ITGA10: variants seen among roughly 807,000 people sequenced by gnomAD.
ITGA10 encodes integrin subunit alpha 10.
Under a neutral mutation model 145.2 loss-of-function variants are expected in ITGA10, and 105 were observed. The ratio of observed to expected loss-of-function variants is 0.72; its 90% CI spans 0.62 to 0.85. ITGA10 has a LOEUF of 0.85. Ranked by LOEUF, ITGA10 falls within the 40% of genes least tolerant of loss-of-function variation. The pLI, the probability that ITGA10 is intolerant of heterozygous loss-of-function variation, is 0.00. For missense variants in ITGA10, 1,317 were observed against 1,444.5 expected (o/e 0.91, Z 1.43); for synonymous variants, 506 against 557.8 (o/e 0.91, Z 1.31).
At position 145,899,946 on chromosome 1, in the gene ITGA10, G is replaced by A. The variant is rs1553747322; in HGVS notation, c.1922+111C>T. The A allele has an allele frequency of 4.7e-6, 5 of 1,070,498 alleles. No individual in the cohort carries two copies. In the African/African-American group the frequency reaches 6.3e-5, roughly 14 times the overall value. The allele number at this position is 1,070,498 out of a possible 1,614,324, so 66.3% of individuals were successfully genotyped here. On this transcript the variant is annotated intron_variant, in intron 15 of 29. Transcript: ENST00000369304. ...TGTCATTTTATAAACTAAGAATGGA[G>A]GCACAGAGTAAGTTGACCAAGAAAA...
In ITGA10 at chr1:145,910,036, T is replaced by C. The variant is rs1657674730; in HGVS notation, c.-22A>G. The stretch of plus-strand genomic sequence containing the variant: ...CCATGCCTGATCGGTTTCTGTCCAG[T>C]ATGAGAAGTCCTCTGGCCTCTGTCC... On this transcript the variant is annotated 5_prime_UTR_variant, in exon 1 of 30. It adds an upstream start codon to the 5' untranslated region. Coordinates refer to ENST00000369304, the MANE Select transcript of ITGA10 (RefSeq NM_003637.5). The C allele has an allele frequency of 6.2e-7, 1 of 1,604,934 alleles. No homozygotes were observed. Among genetic ancestry groups the C allele is most frequent in the Non-Finnish European group, 8.5e-7 (1 of 1,172,212 alleles).
intron 1 of ITGA10, among the ~76,000 whole-genome samples, chr1:145,909,516 A>ATGTATATTATATATAATATATAATTATGT (rs1657591025): frequency 2.2e-5 from 3 of 134,388 alleles, no homozygotes; most frequent in Non-Finnish European, 3.1e-5. Context: ...TATATATTAT[A>ATGTATATTATATATAATATATAATTATGT]TGTATATTAT....
intron 15 of ITGA10, 81 bp from the exon 16 acceptor site, chr1:145,899,422 T>C: frequency 6.7e-7 from 1 of 1,490,296 alleles, no homozygotes; most frequent in Non-Finnish European, 9.1e-7. Context: ...TGCTTCCCCA[T>C]GGTCAAAACA....
chr1:145,900,851 T>G lies in ITGA10; in HGVS notation c.1730A>C (p.His577Pro), dbSNP rs1553747829. 6.2e-7 allele frequency: 1 copy of G among 1,613,962 alleles called. No homozygotes were observed. The highest frequency in any genetic ancestry group is 1.3e-5 in the African/African-American group (1 of 74,866). Reference protein sequence around the residue: ...VAVGAPLEDGHQGALYLYHGT... With the variant: ...VAVGAPLEDGPQGALYLYHGT... ...ATGGTACAGGTACAGTGCTCCCTGG[T>G]GCCCATCTTCCAGAGGCGCCCCCAC... The change falls in exon 14 of 30, where the codon CAC becomes CCC. Residue 577 changes from histidine (H) to proline (P), a missense_variant. Transcript: ENST00000369304.
chr1:145,897,030 C>G lies in ITGA10; in HGVS notation c.2725G>C (p.Val909Leu). 1 of 1,614,050 alleles carries G rather than the reference C, an allele frequency of 6.2e-7. No homozygotes were observed. Among genetic ancestry groups the G allele is most frequent in the Middle Eastern group, 1.7e-4 (1 of 6,060 alleles). The change falls in exon 22 of 30, where the codon GTG (valine) becomes CTG (leucine). Residue 909 changes from valine to leucine, a missense_variant. Transcript: ENST00000369304. ...SCSSLLSQVFVKLTASSDSLE... is the reference protein window; with the variant it reads ...SCSSLLSQVFLKLTASSDSLE... ...TCTCACCTGCTGGCAGTCAGCTTCACGAAGACCTGGCTCAGGAGAGAGGAG... is the reference window on the plus strand; with the variant it reads ...TCTCACCTGCTGGCAGTCAGCTTCAGGAAGACCTGGCTCAGGAGAGAGGAG...
chr1:145,898,803 T>A, intron 17 of ITGA10, 133 bp downstream of exon 17: 1 of 1,104,922 alleles, frequency 9.1e-7, no homozygotes. Flanking sequence ...AGATCAGCCC[T>A]GACTCCAAAG....
At chr1:145,906,589 C>A in intron 4 of ITGA10, 81 bp from the exon 5 acceptor site, 2 of 1,353,568 alleles carry the variant, frequency 1.5e-6, no homozygotes, top group Non-Finnish European at 2.1e-6. Flanking sequence ...GGCATGAAGA[C>A]TACTCCCTGA....
chr1:145,895,349 C>T lies in ITGA10; in HGVS notation c.3159G>A (p.Gly1053=). ...AGACCTCAGTCCCCTTTGCCAGCTG[C>T]CCAAGGTGGCACCTCACCACCTGAC... ...TQCQVVRCHL[G]QLAKGTEVSV... is the part of the protein sequence containing the mutation. The change falls in exon 27 of 30, where the codon GGG becomes GGA. Residue 1053 remains glycine, a synonymous_variant. Transcript: ENST00000369304. 2 of 1,614,092 alleles carry T rather than the reference C, an allele frequency of 1.2e-6. No individual in the cohort carries two copies. The highest frequency in any genetic ancestry group is 1.7e-6 in the Non-Finnish European group (2 of 1,179,942).
At chr1:145,906,360 T>C (rs369262285) in intron 5 of ITGA10, 34 bp downstream of exon 5, 32 of 1,542,904 alleles carry the variant, frequency 2.1e-5, no homozygotes, top group Non-Finnish European at 2.8e-5. Context: ...TATCTCCTTC[T>C]GGGAACCAAG....
rs973935801 is a variant in ITGA10 at position 145,902,468 on chromosome 1, A to T, written c.1061T>A (p.Ile354Asn). ...TDIVDALGDRIFGLEGSHAEN... is the reference protein window; with the variant it reads ...TDIVDALGDRNFGLEGSHAEN... ...GTAATCCTCACCTTCAAGGCCAAAA[A>T]TCCGATCTCCTAGTGCATCCACAAT... The change falls in exon 9 of 30, where the codon ATT becomes AAT. Residue 354 changes from isoleucine to asparagine, a missense_variant. Physicochemically the swap from Ile to Asn is moderately radical, Grantham distance 149. Coordinates refer to ENST00000369304, the MANE Select transcript of ITGA10 (RefSeq NM_003637.5). 6.2e-7 allele frequency: 1 copy of T among 1,611,078 alleles called. No homozygotes were observed. The highest frequency in any genetic ancestry group is 1.3e-5 in the African/African-American group (1 of 74,768).
chr1:145,896,391 C>G (rs1056308375), intron 23 of ITGA10, 39 bp from the exon 24 acceptor site: 16 of 1,480,598 alleles, frequency 1.1e-5, no homozygotes, highest in Non-Finnish European at 1.4e-5. Context: ...TGGTCACAGC[C>G]ATAACACAGA....
intron 7 of ITGA10, 49 bp downstream of exon 7, chr1:145,904,003 T>A: frequency 6.2e-7 from 1 of 1,609,370 alleles, no homozygotes; most frequent in South Asian, 1.1e-5. Context: ...CTAACTCTTC[T>A]AAGCCTTCAT....
At chr1:145,897,943 G>C in intron 18 of ITGA10, 43 bp from the exon 19 acceptor site, 1 of 1,531,816 alleles carries the variant, frequency 6.5e-7, no homozygotes, top group Non-Finnish European at 9.0e-7. Flanking sequence ...GGAAAGCAAG[G>C]AGGAAAGGAA....
chr1:145,895,816 A>C, intron 25 of ITGA10, 105 bp from the exon 26 acceptor site: 1 of 1,118,474 alleles, frequency 8.9e-7, no homozygotes, highest in Non-Finnish European at 1.3e-6. Flanking sequence ...CCCTTATAAT[A>C]CCTTTTTCTT....
At chr1:145,904,587 CT>C in intron 6 of ITGA10, 96 bp downstream of exon 6, 1 of 1,311,488 alleles carries the variant, frequency 7.6e-7, no homozygotes, top group Non-Finnish European at 1.1e-6. Flanking sequence ...ATTGCCCAGG[CT>C]AGTCTTGAAC....
At chr1:145,896,156 C>T in intron 24 of ITGA10, 60 bp from the exon 25 acceptor site, 1 of 1,504,736 alleles carries the variant, frequency 6.6e-7, no homozygotes, top group Non-Finnish European at 9.3e-7. Context: ...CTCATTTGTT[C>T]CCCTTCACCC....
intron 27 of ITGA10, among the ~76,000 whole-genome samples, chr1:145,894,734 T>C (rs1655147813): frequency 1.3e-5 from 2 of 152,284 alleles, no homozygotes; most frequent in Middle Eastern, 3.4e-3. Flanking sequence ...CTCTCACCTA[T>C]ACAATCTTAC....
At chr1:145,908,413 G>A (rs587649584) in intron 1 of ITGA10, among the ~76,000 whole-genome samples, 2 of 152,224 alleles carry the variant, frequency 1.3e-5, no homozygotes, top group South Asian at 2.1e-4. Context: ...CCATCATCCT[G>A]AAGTTTCCCA....
Position 145,893,152 on chromosome 1 carries a change from A to G in ITGA10, c.3438+9T>C, listed in dbSNP as rs914401443. The G allele has an allele frequency of 1.2e-5, 19 of 1,579,486 alleles. No individual in the cohort carries two copies. In the African/African-American group the frequency reaches 2.6e-4, roughly 21 times the overall value. On this transcript the variant is annotated intron_variant, in intron 29 of 29. Coordinates refer to ENST00000369304, the MANE Select transcript of ITGA10 (RefSeq NM_003637.5). ...CATGCTCCACACTCCCCACTAAAGC[A>G]GTGCTTACCTTCCACAGGCAGAAGA...
Sources: allele counts gnomAD v4.1 joint callset (sites outside exome capture counted in the v4.1 genomes callset), GRCh38; gene constraint gnomAD v4.1.1; transcripts MANE v1.5; gene names NCBI Gene and HGNC (gene_info 2026-07-23, HGNC 2026-07-21).